Variants in SNX29 observed in about 807,000 individuals in gnomAD.
SNX29 encodes sorting nexin 29, also known as sorting nexin-29.
A neutral mutation model predicts 102.1 loss-of-function variants in SNX29; 78 were observed. The ratio of observed to expected loss-of-function variants is 0.76; its 90% CI spans 0.64 to 0.92. The LOEUF is 0.92. SNX29 is among the 40% of genes least tolerant of loss of function. SNX29 has a pLI of 0.00. For missense variants in SNX29, 1,280 were observed against 1,061.7 expected, an observed-to-expected ratio of 1.21 and a Z score of -2.86; for synonymous variants, 580 against 414.5, an observed-to-expected ratio of 1.40 and a Z score of -4.85.
chr16:12,087,768 G>C (rs2052280893), intron 11 of SNX29: 1 of 441,158 alleles, frequency 2.3e-6, no homozygotes, highest in Non-Finnish European at 4.6e-6. Flanking sequence ...ACAGTGCTCA[G>C]AGTCACACAG....
chr16:12,532,670 GA>G (rs1379490949), intron 20 of SNX29, among the ~76,000 whole-genome samples: 1 of 152,212 alleles, frequency 6.6e-6, no homozygotes, highest in Non-Finnish European at 1.5e-5. Context: ...ACATATGGGG[GA>G]TCACAGAGGT....
At chr16:12,227,738 A>G (rs1463966240) in intron 14 of SNX29, among the ~76,000 whole-genome samples, 3 of 152,082 alleles carry the variant, frequency 2.0e-5, no homozygotes, top group South Asian at 2.1e-4. Context: ...AGTCTCTACT[A>G]TAAATACAAA....
chr16:12,239,830 A>C (rs897959011), intron 14 of SNX29, among the ~76,000 whole-genome samples: 1 of 147,828 alleles, frequency 6.8e-6, no homozygotes, highest in African/African-American at 2.5e-5. Context: ...AAAAAAAAAA[A>C]TCCTGATTAT....
At position 12,571,859 on chromosome 16, in the gene SNX29, C is replaced by G. The variant is rs1269196119; in HGVS notation, c.*3230C>G. The G allele has an allele frequency of 9.4e-7, 1 of 1,061,016 alleles. No individual in the cohort carries two copies. The highest frequency in any genetic ancestry group is 1.1e-6 in the Non-Finnish European group (1 of 876,394). 65.7% of individuals were successfully genotyped at this position (1,061,016 alleles called of 1,614,324 possible). A position where few individuals can be genotyped will look rare whatever the true frequency, so the allele number is the denominator to read the frequency against. On this transcript the variant is annotated 3_prime_UTR_variant, in exon 21 of 21. Coordinates refer to ENST00000566228, the MANE Select transcript of SNX29 (RefSeq NM_032167.5). ...CAGTATGCTCCAATCACGTTGCTGG[C>G]AAGGCATTTTAGAGTTTGGAGCTGA...
intron 14 of SNX29, among the ~76,000 whole-genome samples, chr16:12,222,439 A>G (rs1250574174): frequency 5.9e-5 from 9 of 152,198 alleles, no homozygotes; most frequent in Non-Finnish European, 8.8e-5. Flanking sequence ...ATAAAAGACA[A>G]CCACCAGCTT....
intron 14 of SNX29, among the ~76,000 whole-genome samples, chr16:12,233,448 A>G (rs551450824): frequency 3.9e-5 from 6 of 152,304 alleles, no homozygotes; most frequent in African/African-American, 9.6e-5. Context: ...AAGGGGAGGA[A>G]GGGAGGAGCA....
intron 16 of SNX29, among the ~76,000 whole-genome samples, chr16:12,379,200 AGTG>A (rs1201139203): frequency 6.6e-6 from 1 of 152,196 alleles, no homozygotes; most frequent in Non-Finnish European, 1.5e-5. Context: ...GCAGGGGTGT[AGTG>A]GTGAGTCCCT....
intron 11 of SNX29, among the ~76,000 whole-genome samples, chr16:12,110,303 T>C (rs953097205): frequency 5.9e-5 from 9 of 152,138 alleles, no homozygotes; most frequent in African/African-American, 9.7e-5. Context: ...CTTCCTCCCA[T>C]GTGTCTAACG....
chr16:12,009,814 C>G (rs1383021847), intron 3 of SNX29, among the ~76,000 whole-genome samples: 2 of 152,216 alleles, frequency 1.3e-5, no homozygotes, highest in Non-Finnish European at 2.9e-5. Flanking sequence ...ATTTTGCCCT[C>G]TAGAAATAAT....
intron 8 of SNX29, among the ~76,000 whole-genome samples, chr16:12,060,137 A>G (rs532777571): frequency 6.8e-6 from 1 of 148,116 alleles, no homozygotes; most frequent in Non-Finnish European, 1.5e-5. Context: ...TGGATCAAAA[A>G]TATTACCAAA....
intron 11 of SNX29, among the ~76,000 whole-genome samples, chr16:12,091,613 C>T (rs1273627020): frequency 6.6e-6 from 1 of 151,966 alleles, no homozygotes; most frequent in African/African-American, 2.4e-5. Context: ...CAGATAGACC[C>T]TGTCTCTACA....
intron 19 of SNX29, among the ~76,000 whole-genome samples, chr16:12,511,814 G>T (rs181931209): frequency 6.6e-6 from 1 of 152,142 alleles, no homozygotes; most frequent in East Asian, 1.9e-4. Context: ...AAGCAATGGG[G>T]CTGAGCTCAA....
intron 13 of SNX29, among the ~76,000 whole-genome samples, chr16:12,177,012 A>G (rs761919835): frequency 7.2e-5 from 11 of 152,244 alleles, no homozygotes; most frequent in East Asian, 3.9e-4. Flanking sequence ...TAGTGGCTCA[A>G]TCATAGCTTA....
chr16:12,198,612 C>G (rs188178620), intron 13 of SNX29, among the ~76,000 whole-genome samples: 39 of 152,330 alleles, frequency 2.6e-4, no homozygotes, highest in Non-Finnish European at 5.1e-4. Flanking sequence ...GCACCTCCCT[C>G]TGGTAGAGCT....
At chr16:12,236,318 G>A (rs536182934) in intron 14 of SNX29, among the ~76,000 whole-genome samples, 53 of 152,280 alleles carry the variant, frequency 3.5e-4, no homozygotes, top group South Asian at 2.1e-3. Context: ...TCTGAGGAGG[G>A]CATGGGGCAG....
intron 14 of SNX29, among the ~76,000 whole-genome samples, chr16:12,269,559 A>G (rs1202913985): frequency 6.6e-6 from 1 of 152,198 alleles, no homozygotes; most frequent in Admixed American, 6.5e-5. Context: ...AGCCATGTAG[A>G]TAAAAGCTTC....
chr16:12,519,765 G>A (rs1238019362), intron 19 of SNX29, among the ~76,000 whole-genome samples: 2 of 152,096 alleles, frequency 1.3e-5, no homozygotes, highest in Non-Finnish European at 2.9e-5. Context: ...GAGGCAGGTG[G>A]ATCACCTGAG....
intron 3 of SNX29, among the ~76,000 whole-genome samples, chr16:12,004,583 A>T (rs2056394429): frequency 6.6e-6 from 1 of 151,986 alleles, no homozygotes; most frequent in African/African-American, 2.4e-5. Context: ...AAGGGAAGGG[A>T]ACTTGCTTGC....
intron 19 of SNX29, among the ~76,000 whole-genome samples, chr16:12,510,155 A>T (rs2089549831): frequency 6.6e-6 from 1 of 152,238 alleles, no homozygotes; most frequent in South Asian, 2.1e-4. Context: ...CATACCGCCC[A>T]GGACGAGAAT....
Sources: gnomAD v4.1 joint callset for allele counts (sites outside exome capture counted in the v4.1 genomes callset) on GRCh38, gnomAD v4.1.1 for gene constraint, MANE v1.5 for transcripts, NCBI Gene and HGNC (gene_info 2026-07-23, HGNC 2026-07-21) for gene names.